The following CNTN5 variants were observed in gnomAD, a reference collection of about 807,000 sequenced individuals.
The protein encoded by CNTN5 is contactin 5.
Under a neutral mutation model 129.1 loss-of-function variants are expected in CNTN5, and 77 were observed. That is an observed-to-expected ratio of 0.60 (90% CI 0.50 to 0.72). CNTN5 has a LOEUF of 0.72. Ranked by LOEUF, CNTN5 falls within the 30% of genes least tolerant of loss-of-function variation. The pLI is 0.00. For synonymous variants in CNTN5, 509 were observed against 465.6 expected (o/e 1.09, Z -1.20); for missense variants, 1,478 against 1,328.8 (o/e 1.11, Z -1.75).
intron 3 of CNTN5, among the ~76,000 whole-genome samples, chr11:99,572,163 A>G (rs1790275): frequency 0.99 from 150,925 of 152,308 alleles, 74,794 homozygotes; most frequent in East Asian, 1. Flanking sequence ...GAGATGTAAA[A>G]TAGGAATGTT....
intron 16 of CNTN5, among the ~76,000 whole-genome samples, chr11:100,228,353 C>T (rs2138639828): frequency 6.6e-6 from 1 of 152,302 alleles, no homozygotes; most frequent in South Asian, 2.1e-4. Flanking sequence ...ATGAATTAAG[C>T]TCAGGATGTC....
intron 3 of CNTN5, among the ~76,000 whole-genome samples, chr11:99,589,291 A>C (rs1040559708): frequency 1.3e-5 from 2 of 152,232 alleles, no homozygotes; most frequent in Non-Finnish European, 2.9e-5. Context: ...CACCATCAAT[A>C]ACATGCAAAA....
chr11:99,900,323 T>C (rs138223303), intron 6 of CNTN5, among the ~76,000 whole-genome samples: 2 of 152,206 alleles, frequency 1.3e-5, no homozygotes, highest in East Asian at 3.9e-4. Flanking sequence ...CTTATATTTT[T>C]TGTGTTTACT....
At chr11:100,123,985 A>G (rs941120124) in intron 13 of CNTN5, among the ~76,000 whole-genome samples, 3 of 152,066 alleles carry the variant, frequency 2.0e-5, no homozygotes, top group African/African-American at 7.2e-5. Flanking sequence ...TTTAGGGTAT[A>G]TCAAATGGGC....
At chr11:99,982,683 C>G (rs1938420815) in intron 8 of CNTN5, among the ~76,000 whole-genome samples, 1 of 152,058 alleles carries the variant, frequency 6.6e-6, no homozygotes, top group Non-Finnish European at 1.5e-5. Flanking sequence ...CTCTGTCACC[C>G]AGGCTGGAGT....
At chr11:99,191,724 G>A (rs780019277) in intron 1 of CNTN5, among the ~76,000 whole-genome samples, 14 of 151,496 alleles carry the variant, frequency 9.2e-5, no homozygotes, top group East Asian at 1.9e-4. Context: ...CCAATGAGTC[G>A]ATAAAGAATT....
At chr11:99,390,200 C>G (rs61891997) in intron 2 of CNTN5, among the ~76,000 whole-genome samples, 4,347 of 151,982 alleles carry the variant, frequency 0.029, 86 homozygotes, top group Middle Eastern at 0.051. Flanking sequence ...TTACTGTAAC[C>G]TTGAATTTCT....
chr11:99,981,077 GATATAT>G (rs372749441), intron 8 of CNTN5, among the ~76,000 whole-genome samples: 5 of 57,596 alleles, frequency 8.7e-5, no homozygotes, highest in Non-Finnish European at 1.4e-4. Flanking sequence ...GAGCCAATAG[GATATAT>G]ATATATATAT....
At chr11:99,503,866 T>C (rs1052287290) in intron 2 of CNTN5, among the ~76,000 whole-genome samples, 2 of 152,200 alleles carry the variant, frequency 1.3e-5, no homozygotes, top group Admixed American at 1.3e-4. Context: ...TTTTAGTTAA[T>C]AATTATTCAA....
chr11:100,120,754 T>C (rs1945990901), intron 13 of CNTN5, among the ~76,000 whole-genome samples: 2 of 152,094 alleles, frequency 1.3e-5, no homozygotes, highest in Admixed American at 6.6e-5. Context: ...GTTGACTCTA[T>C]ATTAATCAAG....
At chr11:99,331,250 G>C (rs114561434) in intron 2 of CNTN5, among the ~76,000 whole-genome samples, 1,900 of 152,206 alleles carry the variant, frequency 0.012, 44 homozygotes, top group African/African-American at 0.043. Context: ...ATATACAAGT[G>C]ATGTGATACC....
chr11:100,227,726 C>T (rs544572808), intron 16 of CNTN5, among the ~76,000 whole-genome samples: 79 of 152,218 alleles, frequency 5.2e-4, no homozygotes, highest in African/African-American at 1.9e-3. Context: ...TAAAGCCACA[C>T]CTGGACATCT....
chr11:99,075,887 A>G (rs1245521540), intron 1 of CNTN5, among the ~76,000 whole-genome samples: 1 of 152,232 alleles, frequency 6.6e-6, no homozygotes, highest in African/African-American at 2.4e-5. Flanking sequence ...AGATACAATT[A>G]TGACAGACGT....
intron 13 of CNTN5, among the ~76,000 whole-genome samples, chr11:100,121,938 C>T (rs1946038120): frequency 6.6e-6 from 1 of 151,390 alleles, no homozygotes; most frequent in South Asian, 2.1e-4. Flanking sequence ...CCAGAGAGAA[C>T]CAATGGAATG....
At chr11:99,956,743 T>A in intron 7 of CNTN5, 63 bp from the exon 8 acceptor site, 1 of 1,234,606 alleles carries the variant, frequency 8.1e-7, no homozygotes, top group Non-Finnish European at 1.2e-6. Context: ...CTTTGTTGTT[T>A]GAGCTTTGTC....
intron 3 of CNTN5, among the ~76,000 whole-genome samples, chr11:99,703,675 C>T (rs1358872944): frequency 6.6e-6 from 1 of 150,820 alleles, no homozygotes; most frequent in Non-Finnish European, 1.5e-5. Flanking sequence ...ATTACAAAAG[C>T]CACAGACATA....
intron 1 of CNTN5, among the ~76,000 whole-genome samples, chr11:99,217,054 C>G (rs896185865): frequency 2.0e-5 from 3 of 152,100 alleles, no homozygotes; most frequent in Non-Finnish European, 4.4e-5. Flanking sequence ...GTGGCATGTG[C>G]CTGTAGTCCC....
intron 1 of CNTN5, among the ~76,000 whole-genome samples, chr11:99,268,281 T>A (rs1591446120): frequency 2.0e-5 from 3 of 151,742 alleles, no homozygotes; most frequent in East Asian, 1.9e-4. Flanking sequence ...AACCAATGAG[T>A]TGGAGAATTT....
chr11:99,499,707 C>A (rs1163195394), intron 2 of CNTN5, among the ~76,000 whole-genome samples: 1 of 152,072 alleles, frequency 6.6e-6, no homozygotes, highest in Non-Finnish European at 1.5e-5. Context: ...TTAGTCAACT[C>A]AATTTTGATA....
Sources: gnomAD v4.1 joint callset for allele counts (sites outside exome capture counted in the v4.1 genomes callset) on GRCh38, gnomAD v4.1.1 for gene constraint, MANE v1.5 for transcripts, NCBI Gene and HGNC (gene_info 2026-07-23, HGNC 2026-07-21) for gene names.